The following IGF1R variants were observed in gnomAD, a reference collection of about 807,000 sequenced individuals.
IGF1R encodes the protein insulin like growth factor 1 receptor.
A neutral mutation model predicts 144.6 loss-of-function variants in IGF1R; 44 were observed. The observed-to-expected ratio is 0.30, with a 90% CI of 0.24 to 0.39. The LOEUF (loss-of-function observed/expected upper bound fraction) is 0.39. IGF1R is among the 10% of genes least tolerant of loss of function. The probability of loss-of-function intolerance (pLI) is 1.00; values close to 1 mark genes in which losing one functional copy is unlikely to be tolerated. For missense variants in IGF1R, 1,355 were observed against 1,833.7 expected (o/e 0.74, Z 4.77); for synonymous variants, 795 against 722.8 (o/e 1.10, Z -1.60).
At chr15:98,684,208 GT>G (rs1386687364) in intron 1 of IGF1R, among the ~76,000 whole-genome samples, 4 of 152,164 alleles carry the variant, frequency 2.6e-5, no homozygotes, top group African/African-American at 9.7e-5. Context: ...TAAATTCTGT[GT>G]TATGAACAAC....
chr15:98,762,005 G>A (rs928345313), intron 2 of IGF1R, among the ~76,000 whole-genome samples: 1 of 152,116 alleles, frequency 6.6e-6, no homozygotes, highest in Non-Finnish European at 1.5e-5. Flanking sequence ...TGTTATATCA[G>A]TCGATCTTGC....
At chr15:98,936,952 C>G (rs925258505) in intron 17 of IGF1R, among the ~76,000 whole-genome samples, 1 of 152,198 alleles carries the variant, frequency 6.6e-6, no homozygotes, top group African/African-American at 2.4e-5. Flanking sequence ...GTGGCATGAT[C>G]TCAGCTCACT....
rs2053817186 is a variant in IGF1R at position 98,704,627 on chromosome 15, CAT to C, written c.95-2934_95-2933del. Among the ~76,000 whole-genome samples, 1 of 152,188 alleles carries C rather than the reference CAT, an allele frequency of 6.6e-6. No individual in the cohort carries two copies. The highest frequency in any genetic ancestry group is 6.5e-5 in the Admixed American group (1 of 15,284). On this transcript the variant is annotated intron_variant, in intron 1 of 20. Coordinates refer to ENST00000650285, the MANE Select transcript of IGF1R (RefSeq NM_000875.5). This position sits in a 1 kb window ranked among gnomAD's most constrained non-coding sequence, Gnocchi z 4.9. ...CACTCATTCTGCGTGTGTCCCATGT[CAT>C]GTGTCCGCTGCACACCAAGTACTGT...
intron 5 of IGF1R, among the ~76,000 whole-genome samples, chr15:98,907,885 T>C (rs1055702485): frequency 2.0e-5 from 3 of 152,236 alleles, no homozygotes; most frequent in Admixed American, 6.5e-5. Flanking sequence ...GTTCTCCACG[T>C]GTGGTCCAGG....
chr15:98,696,419 A>C (rs1017828309), intron 1 of IGF1R, among the ~76,000 whole-genome samples: 1 of 152,228 alleles, frequency 6.6e-6, no homozygotes, highest in African/African-American at 2.4e-5. Context: ...AACATTTACT[A>C]AGCTATTCAG....
At chr15:98,802,521 G>T (rs1054019750) in intron 2 of IGF1R, among the ~76,000 whole-genome samples, 2 of 152,208 alleles carry the variant, frequency 1.3e-5, no homozygotes, top group African/African-American at 4.8e-5. Flanking sequence ...CAAAAGAGAT[G>T]CAAGCCAACA....
At chr15:98,703,645 C>T (rs868480406) in intron 1 of IGF1R, among the ~76,000 whole-genome samples, 1 of 152,186 alleles carries the variant, frequency 6.6e-6, no homozygotes, top group South Asian at 2.1e-4. Flanking sequence ...AGTATGGAGA[C>T]TGCTCTTTCA....
At chr15:98,899,398 C>T in intron 4 of IGF1R, 79 bp from the exon 5 acceptor site, 1 of 1,456,894 alleles carries the variant, frequency 6.9e-7, no homozygotes, top group South Asian at 1.1e-5. Context: ...GAATTGTTCT[C>T]ACTTGTGTTT....
At chr15:98,768,930 A>AAACAACAAC (rs56709467) in intron 2 of IGF1R, among the ~76,000 whole-genome samples, 2,304 of 16,436 alleles carry the variant, frequency 0.14, 56 homozygotes, top group African/African-American at 0.14. Flanking sequence ...TCCGTCTCAA[A>AAACAACAAC]AACAACAACA....
chr15:98,939,958 C>G (rs1006642761), intron 18 of IGF1R, among the ~76,000 whole-genome samples: 1 of 152,198 alleles, frequency 6.6e-6, no homozygotes, highest in Non-Finnish European at 1.5e-5. Flanking sequence ...CTGTCCTGCT[C>G]TTAGCTCACC....
chr15:98,805,063 A>G (rs538512345), intron 2 of IGF1R, among the ~76,000 whole-genome samples: 10 of 152,348 alleles, frequency 6.6e-5, no homozygotes, highest in Admixed American at 2.0e-4. Context: ...ATTATTTGCC[A>G]AAGTTTGAAA....
intron 15 of IGF1R, among the ~76,000 whole-genome samples, chr15:98,931,271 G>GTTAC (rs2015930287): frequency 6.6e-6 from 1 of 152,212 alleles, no homozygotes; most frequent in Admixed American, 6.5e-5. Context: ...ATGATGTTGA[G>GTTAC]TGAGTACATT....
At position 98,948,178 on chromosome 15, in the gene IGF1R, G is replaced by C. The variant is rs911340335; in HGVS notation, c.3588-396G>C. On this transcript the variant is annotated intron_variant, in intron 19 of 20. Transcript: ENST00000650285. ...AAGTCAATGTCCAGGCTGGGGCTTG[G>C]ACAAGAATGTCATTCTTTTTGGGTC... is the stretch of plus-strand genomic sequence containing the variant. 5.3e-5 allele frequency among the ~76,000 whole-genome samples: 8 copies of C among 152,298 alleles called. No individual in the cohort carries two copies. The South Asian group carries it at 6.2e-4, about 12-fold the overall frequency.
At chr15:98,881,135 T>G (rs2013351279) in intron 2 of IGF1R, among the ~76,000 whole-genome samples, 1 of 152,212 alleles carries the variant, frequency 6.6e-6, no homozygotes, top group African/African-American at 2.4e-5. Context: ...ATCACCTGGA[T>G]GCCTGACCCT....
intron 19 of IGF1R, among the ~76,000 whole-genome samples, chr15:98,946,198 C>A (rs1246820287): frequency 2.3e-5 from 1 of 43,186 alleles, no homozygotes; most frequent in Admixed American, 3.8e-4. Flanking sequence ...GGAAGCGGGG[C>A]GGGGCGGGGC....
chr15:98,749,027 T>G (rs918155826), intron 2 of IGF1R, among the ~76,000 whole-genome samples: 1 of 152,214 alleles, frequency 6.6e-6, no homozygotes, highest in African/African-American at 2.4e-5. Flanking sequence ...AGACCTCCAC[T>G]GTGCATTATT....
chr15:98,650,205 G>T (rs2052319874), intron 1 of IGF1R, among the ~76,000 whole-genome samples: 1 of 152,068 alleles, frequency 6.6e-6, no homozygotes, highest in Admixed American at 6.5e-5. Context: ...GGGGGGAGGT[G>T]CCCTGCGGAG....
intron 2 of IGF1R, among the ~76,000 whole-genome samples, chr15:98,807,984 G>C (rs960241065): frequency 4.6e-5 from 7 of 152,306 alleles, no homozygotes; most frequent in African/African-American, 1.7e-4. Flanking sequence ...TCTGAGAACA[G>C]TTCCAATGAA....
chr15:98,926,937 A>G (rs35333938), intron 13 of IGF1R, among the ~76,000 whole-genome samples: 2,344 of 152,140 alleles, frequency 0.015, 28 homozygotes, highest in Non-Finnish European at 0.025. Context: ...CTTGCTTTCT[A>G]TCTTTCCCCA....
Sources: allele counts gnomAD v4.1 joint callset (sites outside exome capture counted in the v4.1 genomes callset), GRCh38; gene constraint gnomAD v4.1.1; non-coding constraint Gnocchi (gnomAD v3.1); transcripts MANE v1.5; gene names NCBI Gene and HGNC (gene_info 2026-07-23, HGNC 2026-07-21).